The following RPN2 variants were observed in gnomAD, a reference collection of about 807,000 sequenced individuals.
RPN2 encodes ribophorin II.
RPN2 carries 29 observed loss-of-function variants against 71.4 expected under a neutral mutation model. That is an observed-to-expected ratio of 0.41 (90% confidence interval 0.30 to 0.55). The LOEUF (loss-of-function observed/expected upper bound fraction) is 0.55, where lower values mean the gene tolerates loss of function less well. RPN2 is among the 20% of genes least tolerant of loss of function. The probability of loss-of-function intolerance (pLI) is 0.35; values close to 1 mark genes in which losing one functional copy is unlikely to be tolerated. For synonymous variants in RPN2, 308 were observed against 305.0 expected, an observed-to-expected ratio of 1.01 and a Z score of -0.10; for missense variants, 726 against 774.1, an observed-to-expected ratio of 0.94 and a Z score of 0.74.
At chr20:37,238,642 G>A in intron 16 of RPN2, 1 of 735,950 alleles carries the variant, frequency 1.4e-6, no homozygotes, top group Admixed American at 1.8e-5. Flanking sequence ...AAAGCTTCCT[G>A]AGTTAGCCCA....
chr20:37,240,742 T>C (rs2068528824), intron 16 of RPN2, among the ~76,000 whole-genome samples: 1 of 152,226 alleles, frequency 6.6e-6, no homozygotes, highest in African/African-American at 2.4e-5. Context: ...ACACTTTCTG[T>C]GAGCTGAGTC....
chr20:37,197,965 G>A (rs1311812800), intron 2 of RPN2, among the ~76,000 whole-genome samples: 1 of 152,172 alleles, frequency 6.6e-6, no homozygotes, highest in Non-Finnish European at 1.5e-5. Context: ...CAGTAAAGTT[G>A]GAATCAGAAG....
chr20:37,196,707 C>T (rs2067264646), intron 2 of RPN2, among the ~76,000 whole-genome samples: 1 of 152,198 alleles, frequency 6.6e-6, no homozygotes, highest in African/African-American at 2.4e-5. Flanking sequence ...GTTATTATTA[C>T]CACATCTTTT....
chr20:37,208,228 C>G (rs920341387), intron 7 of RPN2, among the ~76,000 whole-genome samples: 1 of 150,120 alleles, frequency 6.7e-6, no homozygotes, highest in Non-Finnish European at 1.5e-5. Flanking sequence ...CGAGACTGCA[C>G]CACTGCACTC....
intron 13 of RPN2, 72 bp downstream of exon 13, chr20:37,230,131 C>A: frequency 9.0e-7 from 1 of 1,114,184 alleles, no homozygotes; most frequent in Non-Finnish European, 1.4e-6. Flanking sequence ...AGTGGCTCTG[C>A]TCCCTTTAAC....
At chr20:37,208,434 C>T (rs143017966) in intron 7 of RPN2, among the ~76,000 whole-genome samples, 20 of 152,174 alleles carry the variant, frequency 1.3e-4, no homozygotes, top group African/African-American at 4.3e-4. Context: ...TTTTGAGACG[C>T]GGTCTCGCTA....
Position 37,223,966 on chromosome 20 carries a change from C to T in RPN2, c.1181C>T (p.Thr394Ile). Residue 394 changes from threonine (T) to isoleucine (I), a missense_variant, in exon 10 of 17, where the codon ACC (threonine) becomes ATC (isoleucine). Transcript: ENST00000237530. ...GATCAGAGCATTGCACCCAAAACTA[C>T]CCGGTAGGTGAGATGCCACCTGATC... ...DKDQSIAPKT[T>I]RVTYPAKAKG... 6.2e-7 allele frequency: 1 copy of T among 1,613,652 alleles called. No homozygotes were observed. Among genetic ancestry groups the T allele is most frequent in the Non-Finnish European group, 8.5e-7 (1 of 1,179,614 alleles).
intron 16 of RPN2, 137 bp downstream of exon 16, chr20:37,236,846 C>A: frequency 1.2e-6 from 1 of 817,620 alleles, no homozygotes; most frequent in Non-Finnish European, 2.0e-6. Context: ...TAGCCCAGTA[C>A]AGAAGCCAGA....
chr20:37,198,436 A>G lies in RPN2; in HGVS notation c.247A>G (p.Asn83Asp), dbSNP rs2146561146. The change falls in exon 3 of 17, where the codon AAT becomes GAT. Residue 83 changes from asparagine to aspartate, a missense_variant. Coordinates refer to ENST00000237530, the MANE Select transcript of RPN2 (RefSeq NM_002951.5). ...CATCAGATCTAACCTTGATCCCAGC[A>G]ATGTGGATTCCCTCTTCTACGCTGC... ...TYIRSNLDPS[N>D]VDSLFYAAQA... 1.2e-6 allele frequency: 2 copies of G among 1,614,186 alleles called. No homozygotes were observed. Among genetic ancestry groups the G allele is most frequent in the Non-Finnish European group, 1.7e-6 (2 of 1,180,024 alleles).
intron 1 of RPN2, among the ~76,000 whole-genome samples, chr20:37,183,515 G>A (rs919630904): frequency 3.3e-5 from 5 of 152,102 alleles, no homozygotes; most frequent in African/African-American, 1.2e-4. Flanking sequence ...GTATTAACTC[G>A]TGTAATTGTA....
intron 16 of RPN2, chr20:37,238,302 C>A: frequency 1.1e-6 from 1 of 901,794 alleles, no homozygotes; most frequent in Non-Finnish European, 1.8e-6. Context: ...AATCAGTGAC[C>A]CTAATGGAAG....
chr20:37,233,599 T>A (rs4810455), intron 14 of RPN2, among the ~76,000 whole-genome samples: 126,695 of 152,238 alleles, frequency 0.83, 53,644 homozygotes, highest in African/African-American at 0.96. Flanking sequence ...GAATTTCAAA[T>A]GACATGGAAC....
At chr20:37,217,130 C>A (rs1401955855) in intron 9 of RPN2, among the ~76,000 whole-genome samples, 1 of 148,926 alleles carries the variant, frequency 6.7e-6, no homozygotes, top group Non-Finnish European at 1.5e-5. Flanking sequence ...CTGGGTTTTG[C>A]CATGTTGCCC....
chr20:37,183,057 A>C (rs1328891398), intron 1 of RPN2, among the ~76,000 whole-genome samples: 1 of 152,190 alleles, frequency 6.6e-6, no homozygotes, highest in Non-Finnish European at 1.5e-5. Flanking sequence ...TGGAACTTAC[A>C]GTTTAGCAGA....
Position 37,208,463 on chromosome 20 carries a change from G to A in RPN2, c.867+1014G>A, listed in dbSNP as rs1217543776. Among the ~76,000 whole-genome samples the A allele has an allele frequency of 3.3e-5, 5 of 152,120 alleles. No homozygotes were observed. In the East Asian group the frequency reaches 9.6e-4, roughly 29 times the overall value. On this transcript the variant is annotated intron_variant, in intron 7 of 16. Coordinates refer to ENST00000237530, the MANE Select transcript of RPN2 (RefSeq NM_002951.5). ...CTCGCTATGTCGCGCAGGCTGGAGTGCCGTGGTGCGATCATGGCCCACTGC... is the reference window on the plus strand; with the variant it reads ...CTCGCTATGTCGCGCAGGCTGGAGTACCGTGGTGCGATCATGGCCCACTGC...
At position 37,199,195 on chromosome 20, in the gene RPN2, C is replaced by T; in HGVS notation, c.449C>T (p.Ala150Val). 2 of 1,614,164 alleles carry T rather than the reference C, an allele frequency of 1.2e-6. No individual in the cohort carries two copies. ...ASQEALSALT[A>V]RLSKEETVLA... is the part of the protein sequence containing the mutation. ...CAAGAAGCACTCAGTGCCCTTACTG[C>T]TCGTCTCAGCAAGGAGGAGACTGTG... The change falls in exon 4 of 17, where the codon GCT (alanine) becomes GTT (valine). Residue 150 changes from alanine to valine, a missense_variant. Physicochemically the swap from Ala to Val is moderately conservative, Grantham distance 64. Coordinates refer to ENST00000237530, the MANE Select transcript of RPN2 (RefSeq NM_002951.5).
chr20:37,241,436 A>C lies in RPN2; in HGVS notation c.*121A>C. On this transcript the variant is annotated 3_prime_UTR_variant, in exon 17 of 17. Transcript: ENST00000237530. ...TTATTTAAAAAAGAAAAAAGTCCAG[A>C]TTGTAGTTATACTTTTGCTTGTTTT... is the stretch of plus-strand genomic sequence containing the variant. The C allele has an allele frequency of 8.4e-7, 1 of 1,184,918 alleles. No individual in the cohort carries two copies. The highest frequency in any genetic ancestry group is 1.2e-6 in the Non-Finnish European group (1 of 828,518). The allele number at this position is 1,184,918 out of a possible 1,614,324, so 73.4% of individuals were successfully genotyped here.
intron 2 of RPN2, among the ~76,000 whole-genome samples, chr20:37,195,532 T>C (rs1455296091): frequency 6.6e-6 from 1 of 152,214 alleles, no homozygotes; most frequent in Non-Finnish European, 1.5e-5. Context: ...TGCCTCAGTT[T>C]TCTTACCTGT....
chr20:37,219,563 ATT>A (rs1313088974), intron 9 of RPN2, among the ~76,000 whole-genome samples: 1 of 152,142 alleles, frequency 6.6e-6, no homozygotes, highest in Non-Finnish European at 1.5e-5. Flanking sequence ...AAAAATCTTA[ATT>A]TTGATGAAGT....
Sources: allele counts gnomAD v4.1 joint callset (sites outside exome capture counted in the v4.1 genomes callset), GRCh38; gene constraint gnomAD v4.1.1; transcripts MANE v1.5; gene names NCBI Gene and HGNC (gene_info 2026-07-23, HGNC 2026-07-21).